The following MTMR9 variants were observed in gnomAD, a reference collection of about 807,000 sequenced individuals.
MTMR9 encodes the protein myotubularin related protein 9.
MTMR9 carries 39 observed loss-of-function variants against 69.5 expected under a neutral mutation model. The observed-to-expected ratio is 0.56, with a 90% CI of 0.43 to 0.73. MTMR9 has a LOEUF of 0.73. Ranked by LOEUF, MTMR9 falls within the 30% of genes least tolerant of loss-of-function variation. The pLI, the probability that MTMR9 is intolerant of heterozygous loss-of-function variation, is 0.00. For synonymous variants in MTMR9, 354 were observed against 240.8 expected (o/e 1.47, Z -4.35); for missense variants, 900 against 671.2 (o/e 1.34, Z -3.77).
At chr8:11,303,222 G>C (rs1799814615) in intron 3 of MTMR9, among the ~76,000 whole-genome samples, 1 of 149,328 alleles carries the variant, frequency 6.7e-6, no homozygotes, top group African/African-American at 2.5e-5. Context: ...AGCTATAGGA[G>C]TTACTAAAGT....
chr8:11,307,298 C>G lies in MTMR9; in HGVS notation c.809+891C>G, dbSNP rs534518446. Among the ~76,000 whole-genome samples, 54 of 152,320 alleles carry G rather than the reference C, an allele frequency of 3.5e-4. No individual in the cohort carries two copies. In the South Asian group the frequency reaches 0.011, roughly 32 times the overall value. On this transcript the variant is annotated intron_variant, in intron 5 of 9. Coordinates refer to ENST00000221086, the MANE Select transcript of MTMR9 (RefSeq NM_015458.4). The stretch of plus-strand genomic sequence containing the variant: ...TGTTGGTCAGGCTGGTCTCGAACTC[C>G]TGACCTCAAGTGATCCTCCTGCCTC...
downstream of MTMR9, among the ~76,000 whole-genome samples, chr8:11,329,820 G>A (rs1481650732): frequency 2.6e-5 from 4 of 151,198 alleles, no homozygotes; most frequent in East Asian, 2.0e-4. Context: ...GCCCAGTCTG[G>A]GAAGTGAGGA....
intron 8 of MTMR9, chr8:11,318,446 T>C (rs1377344620): frequency 6.6e-6 from 1 of 152,202 alleles, no homozygotes; most frequent in Non-Finnish European, 1.5e-5. Flanking sequence ...TATTGCTAGC[T>C]CAAAAAGAAT....
At chr8:11,313,146 T>G (rs1800270920) in intron 6 of MTMR9, among the ~76,000 whole-genome samples, 1 of 152,244 alleles carries the variant, frequency 6.6e-6, no homozygotes, top group Admixed American at 6.5e-5. Context: ...CTGCATTTTT[T>G]CGCTGACAAG....
the MTMR9 span, among the ~76,000 whole-genome samples, chr8:11,333,924 G>T: frequency 1.3e-5 from 2 of 152,224 alleles, no homozygotes; most frequent in Admixed American, 6.5e-5. Flanking sequence ...GGTCATAAGG[G>T]CTCTGCCCTC....
intron 6 of MTMR9, among the ~76,000 whole-genome samples, chr8:11,313,400 G>A (rs1400793779): frequency 1.3e-5 from 2 of 152,116 alleles, no homozygotes; most frequent in African/African-American, 2.4e-5. Context: ...TTATGTGTTC[G>A]CTGGAGAAGC....
chr8:11,285,116 T>C (rs2272594), intron 1 of MTMR9, 46 bp downstream of exon 1: 875,320 of 1,479,628 alleles, frequency 0.59, 263,839 homozygotes, highest in East Asian at 0.88. Flanking sequence ...CGGGGGTCCC[T>C]TGTGGGCGCC....
chr8:11,287,633 A>G (rs980244342), intron 1 of MTMR9, among the ~76,000 whole-genome samples: 1 of 148,456 alleles, frequency 6.7e-6, no homozygotes, highest in Non-Finnish European at 1.5e-5. Flanking sequence ...GGAGATGGAC[A>G]ATCAAGCAAG....
intron 1 of MTMR9, among the ~76,000 whole-genome samples, chr8:11,288,082 A>G (rs1320875399): frequency 3.1e-5 from 4 of 130,312 alleles, no homozygotes; most frequent in Non-Finnish European, 4.7e-5. Context: ...TTTCACCTAT[A>G]TAATATATAT....
intron 2 of MTMR9, among the ~76,000 whole-genome samples, chr8:11,297,584 T>C (rs1285862017): frequency 1.3e-5 from 2 of 152,084 alleles, no homozygotes; most frequent in African/African-American, 4.8e-5. Flanking sequence ...GTCTTCGTTT[T>C]TCTTATTCCT....
At chr8:11,286,730 G>T (rs1011421310) in intron 1 of MTMR9, among the ~76,000 whole-genome samples, 7 of 147,748 alleles carry the variant, frequency 4.7e-5, no homozygotes, top group African/African-American at 1.5e-4. Flanking sequence ...AAACCCCTCA[G>T]TCATTCATGG....
intron 6 of MTMR9, 100 bp downstream of exon 6, chr8:11,309,788 T>A: frequency 7.5e-7 from 1 of 1,325,350 alleles, no homozygotes; most frequent in Non-Finnish European, 1.0e-6. Context: ...AAGTTTGCAG[T>A]AAATTACTGT....
the MTMR9 span, among the ~76,000 whole-genome samples, chr8:11,337,552 A>T: frequency 1.3e-5 from 2 of 152,298 alleles, no homozygotes; most frequent in Admixed American, 1.3e-4. Flanking sequence ...TCATGTATTC[A>T]ATGAAGTGGT....
chr8:11,296,546 C>G (rs1000954651), intron 2 of MTMR9, among the ~76,000 whole-genome samples: 2 of 152,202 alleles, frequency 1.3e-5, no homozygotes, highest in African/African-American at 4.8e-5. Context: ...ATTTTCCCCT[C>G]TCTCCAGCTC....
chr8:11,312,544 C>A (rs1800245992), intron 6 of MTMR9, among the ~76,000 whole-genome samples: 2 of 152,192 alleles, frequency 1.3e-5, no homozygotes, highest in Admixed American at 1.3e-4. Flanking sequence ...AGTTCTTTTG[C>A]TATTTCTGTA....
chr8:11,302,287 A>T (rs1453366759), intron 3 of MTMR9, among the ~76,000 whole-genome samples: 1 of 150,384 alleles, frequency 6.6e-6, no homozygotes, highest in Non-Finnish European at 1.5e-5. Flanking sequence ...GGAAGACAAA[A>T]AAAAAAAAAA....
At chr8:11,302,154 G>T (rs759339504) in intron 3 of MTMR9, among the ~76,000 whole-genome samples, 1 of 150,610 alleles carries the variant, frequency 6.6e-6, no homozygotes, top group African/African-American at 2.4e-5. Context: ...CTGGGGGTCT[G>T]AGGTGGGAGA....
intron 3 of MTMR9, among the ~76,000 whole-genome samples, chr8:11,303,718 G>T (rs923812732): frequency 6.6e-6 from 1 of 152,042 alleles, no homozygotes; most frequent in Non-Finnish European, 1.5e-5. Context: ...ATTTTTAGTG[G>T]ATATGGGGTT....
chr8:11,303,486 A>G (rs998905505), intron 3 of MTMR9, among the ~76,000 whole-genome samples: 1 of 152,044 alleles, frequency 6.6e-6, no homozygotes, highest in Non-Finnish European at 1.5e-5. Flanking sequence ...AGATAACTAC[A>G]TTTTTTTAAA....
Sources: allele counts gnomAD v4.1 joint callset (sites outside exome capture counted in the v4.1 genomes callset), GRCh38; gene constraint gnomAD v4.1.1; transcripts MANE v1.5; gene names NCBI Gene and HGNC (gene_info 2026-07-23, HGNC 2026-07-21).